NECTIN1: variants seen among roughly 807,000 people sequenced by gnomAD.
The protein encoded by NECTIN1 is nectin cell adhesion molecule 1.
In NECTIN1, 23 loss-of-function variants were observed where a neutral mutation model predicts 48.0. The ratio of observed to expected loss-of-function variants is 0.48; its 90% confidence interval spans 0.34 to 0.68. The LOEUF (loss-of-function observed/expected upper bound fraction) is 0.68. Among genes scored for constraint, NECTIN1 ranks in the 30% least tolerant of loss-of-function variants. The probability of loss-of-function intolerance (pLI) is 0.01; values close to 1 mark genes in which losing one functional copy is unlikely to be tolerated. For missense variants in NECTIN1, 591 were observed against 709.9 expected (o/e 0.83, Z 1.90); for synonymous variants, 270 against 288.9 (o/e 0.93, Z 0.66).
Position 119,664,752 on chromosome 11 carries a change from C to A in NECTIN1, c.1549G>T (p.Val517Leu). 6.2e-7 allele frequency: 1 copy of A among 1,609,852 alleles called. No individual in the cohort carries two copies. Among genetic ancestry groups the A allele is most frequent in the Non-Finnish European group, 8.5e-7 (1 of 1,177,766 alleles). ...CAGAGGCTCTGGAAGGGGGGCTACA[C>A]GTACCACTCCTTCTTGGAAATGAAA... ...GSFISKKEWY[V>L] The change falls in exon 6 of 6, where the codon GTG (valine) becomes TTG (leucine). Residue 517 changes from valine to leucine, a missense_variant. Transcript: ENST00000264025.
intron 1 of NECTIN1, among the ~76,000 whole-genome samples, chr11:119,710,637 T>C (rs1865626954): frequency 6.6e-6 from 1 of 151,716 alleles, no homozygotes; most frequent in Non-Finnish European, 1.5e-5. Flanking sequence ...TGAGTAGGAG[T>C]TTGCCAGCTG....
intron 1 of NECTIN1, among the ~76,000 whole-genome samples, chr11:119,694,770 G>T (rs543696126): frequency 1.1e-3 from 174 of 152,238 alleles, no homozygotes; most frequent in African/African-American, 4.0e-3. Flanking sequence ...TCCAGGGCAG[G>T]CCCTCAATGA....
rs766323438 is a variant in NECTIN1 at position 119,678,703 on chromosome 11, C to A, written c.142G>T (p.Val48Phe). 4 of 1,613,832 alleles carry A rather than the reference C, an allele frequency of 2.5e-6. No individual in the cohort carries two copies. The African/African-American group carries it at 5.3e-5, about 22-fold the overall frequency. Residue 48 changes from valine to phenylalanine, a missense_variant, in exon 2 of 6, where the codon GTT (valine) becomes TTT (phenylalanine). Transcript: ENST00000264025. This position sits in a 1 kb window ranked among gnomAD's most constrained non-coding sequence, Gnocchi z 4.4. ...GGGTTGGCAAAGCTGCAGTGCAGAACCACGTCTGTGCCGATGAAGCCATAC... is the reference window on the plus strand; with the variant it reads ...GGGTTGGCAAAGCTGCAGTGCAGAAACACGTCTGTGCCGATGAAGCCATAC... Reference protein sequence around the residue: ...SMYGFIGTDVVLHCSFANPLP... With the variant: ...SMYGFIGTDVFLHCSFANPLP...
intron 1 of NECTIN1, among the ~76,000 whole-genome samples, chr11:119,725,162 C>T (rs1168226754): frequency 6.6e-6 from 1 of 152,160 alleles, no homozygotes; most frequent in African/African-American, 2.4e-5. Flanking sequence ...TGACCCTCTG[C>T]CCCCCAAGCC....
In NECTIN1 at chr11:119,683,457, C is replaced by A. The variant is rs1007836153; in HGVS notation, c.80-4692G>T. Among the ~76,000 whole-genome samples, 2 of 152,096 alleles carry A rather than the reference C, an allele frequency of 1.3e-5. No homozygotes were observed. The highest frequency in any genetic ancestry group is 2.4e-5 in the African/African-American group (1 of 41,402). ...GAATATAACCTCAGTGCCTCCATTGCCCCTTGTGAGAAATGGCACAAACAC... is the reference window on the plus strand; with the variant it reads ...GAATATAACCTCAGTGCCTCCATTGACCCTTGTGAGAAATGGCACAAACAC... On this transcript the variant is annotated intron_variant, in intron 1 of 5. Coordinates refer to ENST00000264025, the MANE Select transcript of NECTIN1 (RefSeq NM_002855.5). The surrounding 1 kb of genome is among the most constrained non-coding windows in gnomAD (Gnocchi z 4.0).
intron 1 of NECTIN1, among the ~76,000 whole-genome samples, chr11:119,717,966 G>A (rs1008544947): frequency 2.6e-5 from 4 of 152,378 alleles, no homozygotes; most frequent in Admixed American, 1.3e-4. Flanking sequence ...CACAGAGGCC[G>A]CGCGGTAATT....
At chr11:119,686,801 T>C (rs1456606454) in intron 1 of NECTIN1, among the ~76,000 whole-genome samples, 1 of 152,188 alleles carries the variant, frequency 6.6e-6, no homozygotes, top group African/African-American at 2.4e-5. Context: ...CCTTCATGGA[T>C]TGCGTGTTCC....
chr11:119,712,346 C>T (rs901638479), intron 1 of NECTIN1, among the ~76,000 whole-genome samples: 1 of 151,544 alleles, frequency 6.6e-6, no homozygotes, highest in African/African-American at 2.4e-5. Context: ...TCCCCTCCCC[C>T]AGTTCAGGCC....
At chr11:119,640,175 C>A (rs770519718) in intron 5 of NECTIN1, 10 of 751,990 alleles carry the variant, frequency 1.3e-5, no homozygotes, top group Non-Finnish European at 2.2e-5. Flanking sequence ...GGGCTCCCAG[C>A]CGGTGTGGGA....
intron 1 of NECTIN1, among the ~76,000 whole-genome samples, chr11:119,702,145 A>G (rs1480363448): frequency 3.9e-5 from 6 of 152,076 alleles, no homozygotes; most frequent in African/African-American, 1.2e-4. Flanking sequence ...AGTGTTTTTG[A>G]TCTGTGTGAT....
chr11:119,645,861 G>C (rs1017993214), intron 5 of NECTIN1, among the ~76,000 whole-genome samples: 11 of 152,178 alleles, frequency 7.2e-5, no homozygotes, highest in African/African-American at 2.7e-4. Flanking sequence ...GGTGGTGAGG[G>C]AACCCACCTA....
chr11:119,647,991 G>C (rs569110318), intron 5 of NECTIN1, among the ~76,000 whole-genome samples: 140 of 145,486 alleles, frequency 9.6e-4, no homozygotes, highest in African/African-American at 3.2e-3. Context: ...TTGAACCTGG[G>C]AGGCGGAGGC....
At chr11:119,723,677 G>A (rs1300546728) in intron 1 of NECTIN1, among the ~76,000 whole-genome samples, 1 of 152,200 alleles carries the variant, frequency 6.6e-6, no homozygotes, top group Non-Finnish European at 1.5e-5. Context: ...CAGATATTAT[G>A]TTCCATGTGT....
intron 1 of NECTIN1, among the ~76,000 whole-genome samples, chr11:119,710,885 C>G (rs142407553): frequency 6.6e-6 from 1 of 152,124 alleles, no homozygotes; most frequent in African/African-American, 2.4e-5. Context: ...CACACATCCA[C>G]GCACAACTTC....
chr11:119,682,581 C>A (rs1385409717), intron 1 of NECTIN1, among the ~76,000 whole-genome samples: 6 of 152,324 alleles, frequency 3.9e-5, no homozygotes, highest in Non-Finnish European at 2.9e-5. Flanking sequence ...CAAATGACTT[C>A]ACCTCTCTGT....
At chr11:119,655,147 G>A (rs1158343055) in intron 5 of NECTIN1, among the ~76,000 whole-genome samples, 3 of 151,928 alleles carry the variant, frequency 2.0e-5, no homozygotes, top group Non-Finnish European at 2.9e-5. Context: ...CTGACCTCAG[G>A]TGATCCACCC....
rs1864705754 is a variant in NECTIN1, at chr11:119,663,532, T to C, written c.*1215A>G. ...GGCCCGAGGCTTTGACAATGGCCTT[T>C]GTGTGTGAGGCATTGTATGGACTCC... On this transcript the variant is annotated 3_prime_UTR_variant, in exon 6 of 6. Transcript: ENST00000264025. 9.1e-6 allele frequency: 9 copies of C among 985,360 alleles called. No homozygotes were observed. Among genetic ancestry groups the C allele is most frequent in the Non-Finnish European group, 1.1e-5 (9 of 829,954 alleles). The allele number at this position is 985,360 out of a possible 1,614,324, so 61.0% of individuals were successfully genotyped here. A position where few individuals can be genotyped will look rare whatever the true frequency, so the allele number is the denominator to read the frequency against.
Position 119,648,298 on chromosome 11 carries a change from G to GTGATGCTGGTGA in NECTIN1, c.1004-8287_1004-8286insTCACCAGCATCA, listed in dbSNP as rs1565376512. The stretch of plus-strand genomic sequence containing the variant: ...GGTGATGGTGGTGGTGATGGTGGTG[G>GTGATGCTGGTGA]TGGTGGTGATGGTGGTGATGGTGAT... On this transcript the variant is annotated intron_variant, in intron 5 of 7. Coordinates refer to the NECTIN1 transcript ENST00000341398. Among the ~76,000 whole-genome samples, 116 of 17,996 alleles carry GTGATGCTGGTGA rather than the reference G, an allele frequency of 6.4e-3. 25 individuals are homozygous for GTGATGCTGGTGA. Among genetic ancestry groups the GTGATGCTGGTGA allele is most frequent in the Non-Finnish European group, 9.7e-3 (87 of 9,012 alleles). The allele number at this position is 17,996 out of a possible 152,430, so 11.8% of individuals were successfully genotyped here.
Position 119,662,114 on chromosome 11 carries a change from G to A in NECTIN1, c.*2633C>T. The A allele has an allele frequency of 3.0e-6, 3 of 985,518 alleles. No homozygotes were observed. Among genetic ancestry groups the A allele is most frequent in the Non-Finnish European group, 3.6e-6 (3 of 829,952 alleles). The allele number at this position is 985,518 out of a possible 1,614,324, so 61.0% of individuals were successfully genotyped here. A position where few individuals can be genotyped will look rare whatever the true frequency, so the allele number is the denominator to read the frequency against. The stretch of plus-strand genomic sequence containing the variant: ...AAGAGGCAGGATGACAACTGGGGAG[G>A]CCTTGGCACAATTCATACCAAGTTT... On this transcript the variant is annotated 3_prime_UTR_variant, in exon 6 of 6. Coordinates refer to ENST00000264025, the MANE Select transcript of NECTIN1 (RefSeq NM_002855.5). The surrounding 1 kb of genome is among the most constrained non-coding windows in gnomAD (Gnocchi z 5.3).
Sources: gnomAD v4.1 joint callset for allele counts (sites outside exome capture counted in the v4.1 genomes callset) on GRCh38, gnomAD v4.1.1 for gene constraint, Gnocchi (gnomAD v3.1) non-coding constraint, MANE v1.5 for transcripts, NCBI Gene and HGNC (gene_info 2026-07-23, HGNC 2026-07-21) for gene names.